The following MATN2 variants were observed in gnomAD, a reference collection of about 807,000 sequenced individuals.
MATN2 encodes matrilin 2, also known as matrilin-2.
Under a neutral mutation model 103.2 loss-of-function variants are expected in MATN2, and 69 were observed. The ratio of observed to expected loss-of-function variants is 0.67; its 90% confidence interval spans 0.55 to 0.82. The LOEUF (loss-of-function observed/expected upper bound fraction) is 0.82. MATN2 is among the 40% of genes least tolerant of loss of function. The pLI is 0.00. For missense variants in MATN2, 1,023 were observed against 1,211.5 expected (o/e 0.84, Z 2.31); for synonymous variants, 429 against 450.2 (o/e 0.95, Z 0.60).
At chr8:97,916,418 GT>G (rs1318545096) in intron 2 of MATN2, among the ~76,000 whole-genome samples, 3 of 152,138 alleles carry the variant, frequency 2.0e-5, no homozygotes, top group African/African-American at 7.2e-5. Flanking sequence ...AGGGGTACAT[GT>G]GCAGGTTTGT....
intron 2 of MATN2, among the ~76,000 whole-genome samples, chr8:97,895,471 G>A (rs558760773): frequency 5.2e-4 from 79 of 152,314 alleles, no homozygotes; most frequent in Non-Finnish European, 9.6e-4. Flanking sequence ...TCCAGGGCCA[G>A]GTCAAATGCC....
In MATN2 at chr8:97,930,969, C is replaced by T. The variant is rs1282939231; in HGVS notation, c.159C>T (p.Asn53=). Residue 53 remains asparagine, a synonymous_variant, in exon 3 of 19, where the codon AAC becomes AAT. Transcript: ENST00000254898. ...TTTCCCCAGAGAGTTCCTGTGAGAA[C>T]AAGCGGGCAGACCTGGTTTTCATCA... ...QTALLESSCE[N]KRADLVFIID... is the part of the protein sequence containing the mutation. 1.2e-6 allele frequency: 2 copies of T among 1,608,942 alleles called. No individual in the cohort carries two copies. Among genetic ancestry groups the T allele is most frequent in the Non-Finnish European group, 1.7e-6 (2 of 1,176,994 alleles).
chr8:97,979,936 C>T (rs144698477), intron 6 of MATN2, among the ~76,000 whole-genome samples: 102 of 152,272 alleles, frequency 6.7e-4, no homozygotes, highest in African/African-American at 2.4e-3. Context: ...CTCTTCAATA[C>T]CTAAATATCA....
rs776778979 is a variant in MATN2 at position 98,003,765 on chromosome 8, A to C, written c.1309A>C (p.Asn437His). Reference protein sequence around the residue: ...RCHRGYTLDPNGKTCSRVDHC... With the variant: ...RCHRGYTLDPHGKTCSRVDHC... ...CCACCGTGGCTACACTCTGGACCCC[A>C]ATGGCAAAACCTGCAGCCGTGAGTG... Residue 437 changes from asparagine to histidine, a missense_variant, in exon 8 of 19, where the codon AAT becomes CAT. Physicochemically the swap from Asn to His is moderately conservative, Grantham distance 68 (BLOSUM62 1). Transcript: ENST00000254898. 5.0e-6 allele frequency: 8 copies of C among 1,613,740 alleles called. No individual in the cohort carries two copies. Among genetic ancestry groups the C allele is most frequent in the Non-Finnish European group, 6.8e-6 (8 of 1,179,798 alleles).
At chr8:97,957,602 C>T (rs531564126) in intron 4 of MATN2, among the ~76,000 whole-genome samples, 2 of 152,292 alleles carry the variant, frequency 1.3e-5, no homozygotes, top group Admixed American at 6.5e-5. Context: ...TAATCTTGCA[C>T]CCGCACATAG....
chr8:98,027,912 G>A, intron 14 of MATN2, 83 bp downstream of exon 14: 1 of 1,416,096 alleles, frequency 7.1e-7, no homozygotes, highest in Non-Finnish European at 9.5e-7. Flanking sequence ...TGGCCATAAG[G>A]GTAAGCTTCT....
At chr8:97,881,913 C>CTTTTTTTTTTTTTTTT (rs34704905) in intron 1 of MATN2, among the ~76,000 whole-genome samples, 16 of 84,090 alleles carry the variant, frequency 1.9e-4, no homozygotes, top group Non-Finnish European at 2.1e-4. Context: ...TATTACTTAT[C>CTTTTTTTTTTTTTTTT]TTTTTTTTTT....
chr8:97,941,089 G>C (rs1335402898), intron 3 of MATN2, among the ~76,000 whole-genome samples: 1 of 144,050 alleles, frequency 6.9e-6, no homozygotes, highest in African/African-American at 2.6e-5. Context: ...TTTAGCCCAG[G>C]AGTTTGAGGC....
At chr8:97,998,703 A>T (rs1391653460) in intron 7 of MATN2, among the ~76,000 whole-genome samples, 1 of 143,180 alleles carries the variant, frequency 7.0e-6, no homozygotes, top group Non-Finnish European at 1.5e-5. Flanking sequence ...TTGTTACAAC[A>T]TAGTTGTACC....
chr8:97,893,734 G>T (rs930285423), intron 2 of MATN2, among the ~76,000 whole-genome samples: 1 of 151,980 alleles, frequency 6.6e-6, no homozygotes, highest in Admixed American at 6.6e-5. Flanking sequence ...CTGCCACCAC[G>T]CCCGGTTAAT....
chr8:97,898,609 A>AT (rs1377110055), intron 2 of MATN2, among the ~76,000 whole-genome samples: 2 of 152,042 alleles, frequency 1.3e-5, no homozygotes, highest in East Asian at 3.9e-4. Flanking sequence ...AAAAAAAAAA[A>AT]AAAAAATAGT....
intron 2 of MATN2, among the ~76,000 whole-genome samples, chr8:97,928,262 T>C (rs987159112): frequency 3.6e-4 from 48 of 133,030 alleles, no homozygotes; most frequent in African/African-American, 1.4e-3. Context: ...AGTCTTGCAC[T>C]GTCACCTGGG....
At chr8:97,930,555 C>T (rs973429050) in intron 2 of MATN2, 2 of 163,520 alleles carry the variant, frequency 1.2e-5, no homozygotes, top group African/African-American at 4.8e-5. Flanking sequence ...CAAAGGTGAT[C>T]ATCAGTCCCA....
rs149671782 is a variant in MATN2, at chr8:98,001,972, C to G, written c.1205-1689C>G. Among the ~76,000 whole-genome samples the G allele has an allele frequency of 6.4e-4, 97 of 152,262 alleles. 1 individual carries two copies. Among genetic ancestry groups the G allele is most frequent in the African/African-American group, 2.1e-3 (88 of 41,548 alleles). ...GGGGTAATGGTTATTGGCAAGACAACCAACAGTGTCTGCCACATCCCCAGA... is the reference window on the plus strand; with the variant it reads ...GGGGTAATGGTTATTGGCAAGACAAGCAACAGTGTCTGCCACATCCCCAGA... On this transcript the variant is annotated intron_variant, in intron 7 of 18. Coordinates refer to ENST00000254898, the MANE Select transcript of MATN2 (RefSeq NM_002380.5).
At chr8:98,009,412 G>C (rs1813083345) in intron 10 of MATN2, among the ~76,000 whole-genome samples, 1 of 152,194 alleles carries the variant, frequency 6.6e-6, no homozygotes, top group South Asian at 2.1e-4. Flanking sequence ...CCTTTTGGGG[G>C]GCAGTCAGGC....
intron 18 of MATN2, 199 bp downstream of exon 18, chr8:98,033,858 C>T: frequency 1.8e-6 from 1 of 548,822 alleles, no homozygotes; most frequent in Non-Finnish European, 3.2e-6. Context: ...TTATTAGCAG[C>T]AGTCAAGCAC....
intron 10 of MATN2, among the ~76,000 whole-genome samples, chr8:98,011,738 G>C (rs1243912746): frequency 2.0e-5 from 3 of 152,176 alleles, no homozygotes; most frequent in Admixed American, 6.5e-5. Context: ...GGTTGGGGTT[G>C]GTTTTAACAA....
At chr8:98,017,881 C>T in intron 11 of MATN2, 113 bp from the exon 12 acceptor site, 2 of 1,198,524 alleles carry the variant, frequency 1.7e-6, no homozygotes, top group Non-Finnish European at 2.4e-6. Context: ...GACCACTGAG[C>T]TCAGGTGGCA....
chr8:97,877,289 C>A (rs140364941), intron 1 of MATN2, among the ~76,000 whole-genome samples: 4,973 of 151,772 alleles, frequency 0.033, 293 homozygotes, highest in African/African-American at 0.11. Flanking sequence ...ACCTGCCTGA[C>A]CAACATGGAG....
Sources: allele counts gnomAD v4.1 joint callset (sites outside exome capture counted in the v4.1 genomes callset), GRCh38; gene constraint gnomAD v4.1.1; transcripts MANE v1.5; gene names NCBI Gene and HGNC (gene_info 2026-07-23, HGNC 2026-07-21).